ENTREP2: variants seen among roughly 807,000 people sequenced by gnomAD.
The protein encoded by ENTREP2 is endosomal transmembrane epsin interactor 2.
the ENTREP2 span, among the ~76,000 whole-genome samples, chr15:29,437,648 GTTCATTAGCTT>G: frequency 6.6e-6 from 1 of 152,192 alleles, no homozygotes; most frequent in Admixed American, 6.5e-5. Flanking sequence ...TGTCTCAGCA[GTTCATTAGCTT>G]TTCATTAGTG....
chr15:29,353,813 T>G, the ENTREP2 span, among the ~76,000 whole-genome samples: 4 of 152,208 alleles, frequency 2.6e-5, no homozygotes, highest in Non-Finnish European at 5.9e-5. Flanking sequence ...ATCCCCATGT[T>G]ACCAGTGGGG....
chr15:29,274,196 G>A, the ENTREP2 span, among the ~76,000 whole-genome samples: 1 of 152,198 alleles, frequency 6.6e-6, no homozygotes, highest in South Asian at 2.1e-4. Context: ...AAAGTGAATG[G>A]TGGGTCAGAC....
At chr15:29,638,564 A>G in the ENTREP2 span, among the ~76,000 whole-genome samples, 1 of 152,224 alleles carries the variant, frequency 6.6e-6, no homozygotes, top group Non-Finnish European at 1.5e-5. Context: ...GAGAATAGAA[A>G]GGATTTCTGT....
At chr15:29,448,350 A>G in the ENTREP2 span, among the ~76,000 whole-genome samples, 2 of 152,166 alleles carry the variant, frequency 1.3e-5, no homozygotes, top group Admixed American at 6.5e-5. Flanking sequence ...TCCCTGGCAG[A>G]TATCTCCCAA....
At chr15:29,127,973 C>A in the ENTREP2 span, among the ~76,000 whole-genome samples, 2 of 152,224 alleles carry the variant, frequency 1.3e-5, no homozygotes, top group South Asian at 4.1e-4. Context: ...CCAAATCCCA[C>A]GACTGCAAAG....
At chr15:29,348,161 T>C in the ENTREP2 span, among the ~76,000 whole-genome samples, 3 of 152,184 alleles carry the variant, frequency 2.0e-5, no homozygotes, top group Non-Finnish European at 4.4e-5. Flanking sequence ...ATTTATTGAG[T>C]CCAAAAATAT....
At chr15:29,383,715 A>G in the ENTREP2 span, among the ~76,000 whole-genome samples, 1 of 152,216 alleles carries the variant, frequency 6.6e-6, no homozygotes, top group African/African-American at 2.4e-5. Context: ...GGTCTCAGAC[A>G]CAGCAGCCAC....
the ENTREP2 span, chr15:29,123,575 G>C: frequency 6.4e-7 from 1 of 1,551,740 alleles, no homozygotes; most frequent in Admixed American, 2.0e-5. Context: ...GTTGGCCGTT[G>C]GTCAGTTTTC....
the ENTREP2 span, among the ~76,000 whole-genome samples, chr15:29,580,450 A>G: frequency 2.4e-4 from 37 of 152,248 alleles, no homozygotes; most frequent in African/African-American, 8.7e-4. Context: ...AGTGCCAGTT[A>G]TTTTTCTATT....
At chr15:29,207,439 G>A in the ENTREP2 span, among the ~76,000 whole-genome samples, 1 of 115,550 alleles carries the variant, frequency 8.7e-6, no homozygotes, top group Non-Finnish European at 2.0e-5. Flanking sequence ...GCGGTGTGCC[G>A]CTGCCGGTTG....
chr15:29,342,173 T>G, the ENTREP2 span, among the ~76,000 whole-genome samples: 1 of 152,186 alleles, frequency 6.6e-6, no homozygotes, highest in South Asian at 2.1e-4. Context: ...ACCAAAGAGG[T>G]GGCCATACAG....
chr15:29,461,287 T>C, the ENTREP2 span, among the ~76,000 whole-genome samples: 2 of 152,272 alleles, frequency 1.3e-5, no homozygotes, highest in Admixed American at 1.3e-4. Context: ...AATACAACTG[T>C]TGAAACTGTT....
At chr15:29,612,915 A>C in the ENTREP2 span, 1 of 152,228 alleles carries the variant, frequency 6.6e-6, no homozygotes, top group East Asian at 1.9e-4. Flanking sequence ...CTCCAACTAT[A>C]AGGTAACAAA....
the ENTREP2 span, among the ~76,000 whole-genome samples, chr15:29,251,337 T>G: frequency 2.6e-5 from 4 of 152,218 alleles, no homozygotes; most frequent in Non-Finnish European, 5.9e-5. Flanking sequence ...CACTGCAATT[T>G]CTGTCACAGC....
the ENTREP2 span, among the ~76,000 whole-genome samples, chr15:29,306,664 A>ATTTTTTTTTTTTTTTTTTTTTTTTTT: frequency 3.9e-5 from 3 of 77,338 alleles, 1 homozygote; most frequent in Non-Finnish European, 8.7e-5. Flanking sequence ...ATAATTGGTA[A>ATTTTTTTTTTTTTTTTTTTTTTTTTT]TTTTTTTTTT....
At chr15:29,396,526 A>G in the ENTREP2 span, among the ~76,000 whole-genome samples, 1 of 152,214 alleles carries the variant, frequency 6.6e-6, no homozygotes, top group Non-Finnish European at 1.5e-5. Context: ...CTGATGAAAT[A>G]TGTGATTTTC....
the ENTREP2 span, among the ~76,000 whole-genome samples, chr15:29,643,795 A>G: frequency 4.0e-3 from 586 of 148,118 alleles, 7 homozygotes; most frequent in African/African-American, 0.011. Flanking sequence ...AAAAAAAAAA[A>G]AAAGAAAGAA....
chr15:29,144,565 CA>C, the ENTREP2 span, among the ~76,000 whole-genome samples: 1 of 151,932 alleles, frequency 6.6e-6, no homozygotes, highest in Admixed American at 6.6e-5. Context: ...CCTGTCTCTA[CA>C]AAAAAATTAA....
chr15:29,163,736 C>G, the ENTREP2 span, among the ~76,000 whole-genome samples: 7 of 152,136 alleles, frequency 4.6e-5, no homozygotes, highest in African/African-American at 1.7e-4. Context: ...GCTTGGAAAA[C>G]ATATCTTTAG....
Sources: gnomAD v4.1 joint callset for allele counts (sites outside exome capture counted in the v4.1 genomes callset) on GRCh38, gnomAD v4.1.1 for gene constraint, MANE v1.5 for transcripts, NCBI Gene and HGNC (gene_info 2026-07-23, HGNC 2026-07-21) for gene names.